CHD9: variants seen among roughly 807,000 people sequenced by gnomAD.
CHD9 encodes the protein chromodomain helicase DNA binding protein 9.
Under a neutral mutation model 316.1 loss-of-function variants are expected in CHD9, and 77 were observed. That is an observed-to-expected ratio of 0.24 (90% CI 0.20 to 0.29). The LOEUF (loss-of-function observed/expected upper bound fraction) is 0.29. CHD9 is among the 10% of genes least tolerant of loss of function. The pLI is 1.00. For missense variants in CHD9, 2,763 were observed against 3,438.1 expected, an observed-to-expected ratio of 0.80 and a Z score of 4.91; for synonymous variants, 1,129 against 1,158.3, an observed-to-expected ratio of 0.97 and a Z score of 0.51.
intron 1 of CHD9, among the ~76,000 whole-genome samples, chr16:53,103,036 AG>A (rs2037024276): frequency 6.6e-6 from 1 of 151,804 alleles, no homozygotes; most frequent in Admixed American, 6.6e-5. Context: ...TAGTGGAGAA[AG>A]GGTTTCACCA....
chr16:53,155,746 T>C (rs1264764518), intron 1 of CHD9, among the ~76,000 whole-genome samples, 180 bp from the exon 2 acceptor site: 1 of 152,192 alleles, frequency 6.6e-6, no homozygotes, highest in Non-Finnish European at 1.5e-5. Flanking sequence ...GACCCACTAA[T>C]CTATTTTCTC....
At chr16:53,216,002 G>C (rs372159430) in intron 3 of CHD9, among the ~76,000 whole-genome samples, 1 of 152,060 alleles carries the variant, frequency 6.6e-6, no homozygotes, top group Non-Finnish European at 1.5e-5. Context: ...CTGAGTATCT[G>C]TTGCTACATT....
chr16:53,269,739 G>A (rs187419096), intron 22 of CHD9, among the ~76,000 whole-genome samples: 7 of 152,070 alleles, frequency 4.6e-5, no homozygotes, highest in Admixed American at 6.5e-5. Flanking sequence ...ATAAATTATC[G>A]GATTAGGAGT....
intron 1 of CHD9, among the ~76,000 whole-genome samples, chr16:53,067,152 AGGCTGGTCTTGAACTCCCGGGCT>A (rs1327777076): frequency 6.6e-6 from 1 of 152,162 alleles, no homozygotes; most frequent in Non-Finnish European, 1.5e-5. Context: ...TGTGTTACCC[AGGCTGGTCTTGAACTCCCGGGCT>A]CATGCAGTCT....
chr16:53,229,129 G>A, intron 8 of CHD9, 29 bp downstream of exon 8: 1 of 1,190,438 alleles, frequency 8.4e-7, no homozygotes. Context: ...AGACTATTAT[G>A]TGTTGGTCTC....
At chr16:53,213,728 C>T (rs1233107029) in intron 3 of CHD9, among the ~76,000 whole-genome samples, 1 of 152,072 alleles carries the variant, frequency 6.6e-6, no homozygotes, top group Non-Finnish European at 1.5e-5. Flanking sequence ...TATTTTTAAA[C>T]CTATGATTTA....
At chr16:53,148,247 T>G (rs2040801316) in intron 1 of CHD9, among the ~76,000 whole-genome samples, 1 of 152,124 alleles carries the variant, frequency 6.6e-6, no homozygotes, top group Admixed American at 6.5e-5. Context: ...GTTTATTGTT[T>G]GTTTTTGTTT....
In CHD9 at chr16:53,292,806, TTATTAC is replaced by T. The variant is rs528133517; in HGVS notation, c.5291-19_5291-14del. 8.9e-3 allele frequency: 13,848 copies of T among 1,561,448 alleles called. 84 individuals are homozygous for T. Among genetic ancestry groups the T allele is most frequent in the Non-Finnish European group, 0.011 (12,137 of 1,132,412 alleles). ...GCTTCATACAGTATCTGTTTAGTTA[TTATTAC>T]TATTACTTATTTAACTATAGATGGT... is the stretch of plus-strand genomic sequence containing the variant. On this transcript the variant is annotated intron_variant, in intron 28 of 38. Coordinates refer to ENST00000447540, the MANE Select transcript of CHD9 (RefSeq NM_001308319.2).
intron 1 of CHD9, chr16:53,099,254 C>A (rs1475602641): frequency 6.6e-6 from 1 of 152,210 alleles, no homozygotes; most frequent in Non-Finnish European, 1.5e-5. Flanking sequence ...CGTGTGGACC[C>A]GTAAAATAAA....
chr16:53,190,988 T>C lies in CHD9; in HGVS notation c.1453-18494T>C, dbSNP rs567400090. The stretch of plus-strand genomic sequence containing the variant: ...TACAATGAAATGTACCCATTTTAAG[T>C]GTAATCTGATGATTTTTGACAAATA... On this transcript the variant is annotated intron_variant, in intron 2 of 38. Transcript: ENST00000447540. Among the ~76,000 whole-genome samples, 20 of 152,208 alleles carry C rather than the reference T, an allele frequency of 1.3e-4. No individual in the cohort carries two copies. In the South Asian group the frequency reaches 3.9e-3, roughly 30 times the overall value.
intron 1 of CHD9, among the ~76,000 whole-genome samples, chr16:53,082,601 A>T (rs2035125915): frequency 6.6e-6 from 1 of 152,214 alleles, no homozygotes; most frequent in South Asian, 2.1e-4. Context: ...TAAGGTTCTC[A>T]GCCTCAGCTT....
In CHD9 at chr16:53,304,479, A is replaced by G. The variant is rs1304268594; in HGVS notation, c.6473A>G (p.His2158Arg). 1 of 1,558,026 alleles carries G rather than the reference A, an allele frequency of 6.4e-7. No homozygotes were observed. The highest frequency in any genetic ancestry group is 8.7e-7 in the Non-Finnish European group (1 of 1,150,964). ...TCCTCATCATCCTCTTCTTGCTCCC[A>G]CTCTCGATCAGGCTCTAGTTCTTCT... The part of the protein sequence containing the change: ...SSSSSSSSCS[H>R]SRSGSSSSSS... The change falls in exon 31 of 39, where the codon CAC (histidine) becomes CGC (arginine). Residue 2158 changes from histidine to arginine, a missense_variant. His to Arg is a conservative substitution (Grantham distance 29). Around this residue, in one of 15 missense-constraint regions of CHD9, gnomAD observed 663 missense variants for 751.2 expected, o/e 0.88. Transcript: ENST00000447540.
chr16:53,291,610 A>T, intron 27 of CHD9, 115 bp from the exon 28 acceptor site: 1 of 648,298 alleles, frequency 1.5e-6, no homozygotes, highest in East Asian at 3.0e-5. Flanking sequence ...TAATTATTTA[A>T]CATTCCATTG....
intron 1 of CHD9, among the ~76,000 whole-genome samples, chr16:53,149,631 C>T (rs1438450966): frequency 1.3e-5 from 2 of 150,766 alleles, no homozygotes. Flanking sequence ...TCACTGTAAC[C>T]TCCAACTCCT....
At chr16:53,118,874 C>A (rs780337873) in intron 1 of CHD9, among the ~76,000 whole-genome samples, 5 of 147,996 alleles carry the variant, frequency 3.4e-5, no homozygotes, top group Non-Finnish European at 7.4e-5. Flanking sequence ...CTCACTGCAA[C>A]CTTCACCTCC....
At chr16:53,092,929 C>T (rs2036074789) in intron 1 of CHD9, among the ~76,000 whole-genome samples, 1 of 152,164 alleles carries the variant, frequency 6.6e-6, no homozygotes, top group Non-Finnish European at 1.5e-5. Context: ...CAGGCGTGCA[C>T]CACCACACCC....
chr16:53,058,245 C>T (rs1397621625), intron 1 of CHD9, among the ~76,000 whole-genome samples: 4 of 152,132 alleles, frequency 2.6e-5, no homozygotes, highest in African/African-American at 9.7e-5. Context: ...CTCAGCCTCC[C>T]ATGTAGCTGG....
chr16:53,286,671 G>C (rs945061230), intron 26 of CHD9, among the ~76,000 whole-genome samples: 1 of 152,130 alleles, frequency 6.6e-6, no homozygotes, highest in Admixed American at 6.5e-5. Context: ...TGAGACATAT[G>C]ATGACATTTA....
chr16:53,060,415 G>T (rs1271376954), intron 1 of CHD9, among the ~76,000 whole-genome samples: 1 of 151,584 alleles, frequency 6.6e-6, no homozygotes, highest in Non-Finnish European at 1.5e-5. Flanking sequence ...GGAGTTCAAG[G>T]TCAGCCTGGG....
Sources: gnomAD v4.1 joint callset for allele counts (sites outside exome capture counted in the v4.1 genomes callset) on GRCh38, gnomAD v4.1.1 for gene constraint, gnomAD v4.1.1 regional missense constraint, MANE v1.5 for transcripts, NCBI Gene and HGNC (gene_info 2026-07-23, HGNC 2026-07-21) for gene names.